EPHA3: variants seen among roughly 807,000 people sequenced by gnomAD.
The protein encoded by EPHA3 is ephrin type-A receptor 3.
EPHA3 carries 42 observed loss-of-function variants against 107.1 expected under a neutral mutation model. The observed-to-expected ratio is 0.39, with a 90% confidence interval of 0.31 to 0.51. The LOEUF (loss-of-function observed/expected upper bound fraction) is 0.51. Ranked by LOEUF, EPHA3 falls within the 20% of genes least tolerant of loss-of-function variation. EPHA3 has a pLI of 0.78. For missense variants in EPHA3, 1,183 were observed against 1,211.2 expected, an observed-to-expected ratio of 0.98 and a Z score of 0.35; for synonymous variants, 461 against 424.8, an observed-to-expected ratio of 1.09 and a Z score of -1.05.
intron 13 of EPHA3, among the ~76,000 whole-genome samples, chr3:89,437,661 A>G (rs1323045947): frequency 6.6e-6 from 1 of 152,300 alleles, no homozygotes; most frequent in South Asian, 2.1e-4. Context: ...TCATGCATCT[A>G]TATAGATGAA....
At chr3:89,466,866 T>G (rs1710287858) in intron 15 of EPHA3, among the ~76,000 whole-genome samples, 1 of 150,550 alleles carries the variant, frequency 6.6e-6, no homozygotes, top group South Asian at 2.1e-4. Context: ...CCTGTCTCTC[T>G]TTTTTAATCT....
chr3:89,451,244 T>G (rs1709983963), intron 15 of EPHA3, among the ~76,000 whole-genome samples: 1 of 152,122 alleles, frequency 6.6e-6, no homozygotes, highest in Non-Finnish European at 1.5e-5. Flanking sequence ...TAAGAATCAC[T>G]GAGTTCTCTC....
intron 3 of EPHA3, among the ~76,000 whole-genome samples, chr3:89,274,952 G>C (rs1436385929): frequency 1.3e-5 from 2 of 151,936 alleles, no homozygotes; most frequent in Non-Finnish European, 2.9e-5. Flanking sequence ...GATATGTCAG[G>C]CATGTCATTT....
intron 15 of EPHA3, among the ~76,000 whole-genome samples, chr3:89,457,251 A>C (rs1360926374): frequency 6.6e-6 from 1 of 152,208 alleles, no homozygotes; most frequent in Admixed American, 6.5e-5. Flanking sequence ...GGATAAAAAA[A>C]GGAAATTATG....
rs1710428011 is a variant in EPHA3, at chr3:89,472,552, C to T, written c.2779C>T (p.His927Tyr). The T allele has an allele frequency of 1.9e-6, 3 of 1,613,964 alleles. No individual in the cohort carries two copies. Among genetic ancestry groups the T allele is most frequent in the Admixed American group, 1.7e-5 (1 of 59,986 alleles). The change falls in exon 16 of 17, where the codon CAC (histidine) becomes TAC (tyrosine). Residue 927 changes from histidine (H) to tyrosine (Y), a missense_variant. Coordinates refer to ENST00000336596, the MANE Select transcript of EPHA3 (RefSeq NM_005233.6). ...CTGGCTTAATGGTGTCTGGACAGCA[C>T]ACTGCAAGGAAATCTTCACGGGTGT... ...GDWLNGVWTA[H>Y]CKEIFTGVEY...
chr3:89,343,880 A>C (rs1035487882), intron 5 of EPHA3, among the ~76,000 whole-genome samples: 1 of 152,198 alleles, frequency 6.6e-6, no homozygotes, highest in Non-Finnish European at 1.5e-5. Context: ...AATGGTATTT[A>C]TACTTTGTAA....
intron 2 of EPHA3, among the ~76,000 whole-genome samples, chr3:89,140,494 T>C (rs1360227823): frequency 1.3e-5 from 2 of 151,770 alleles, no homozygotes; most frequent in African/African-American, 4.8e-5. Flanking sequence ...TTGGATAATA[T>C]AAATTAGAGT....
At chr3:89,330,419 T>G (rs1216174939) in intron 3 of EPHA3, among the ~76,000 whole-genome samples, 1 of 152,080 alleles carries the variant, frequency 6.6e-6, no homozygotes, top group Non-Finnish European at 1.5e-5. Context: ...CATAGGTTTT[T>G]TTTAAATCCA....
rs1311971879 is a variant in EPHA3 at position 89,258,612 on chromosome 3, A to T, written c.814+48092A>T. Among the ~76,000 whole-genome samples, 3 of 152,218 alleles carry T rather than the reference A, an allele frequency of 2.0e-5. No homozygotes were observed. The South Asian group carries it at 6.2e-4, about 31-fold the overall frequency. On this transcript the variant is annotated intron_variant, in intron 3 of 16. Coordinates refer to ENST00000336596, the MANE Select transcript of EPHA3 (RefSeq NM_005233.6). Reference sequence around the variant, plus strand: ...AGTGCCAGTATTTGAAAATACAGACATAAAGAAATACAGCGGTTCATTTTA... The same window carrying T: ...AGTGCCAGTATTTGAAAATACAGACTTAAAGAAATACAGCGGTTCATTTTA...
chr3:89,392,785 G>A lies in EPHA3; in HGVS notation c.1307-3052G>A, dbSNP rs530523496. Reference sequence around the variant, plus strand: ...TAGTAATTTGAACAAATCACTCTTTGATATCTGAAAATTAATGAAAAGCAT... The same window carrying A: ...TAGTAATTTGAACAAATCACTCTTTAATATCTGAAAATTAATGAAAAGCAT... On this transcript the variant is annotated intron_variant, in intron 5 of 16. Transcript: ENST00000336596. 8.2e-4 allele frequency among the ~76,000 whole-genome samples: 124 copies of A among 152,042 alleles called. 1 individual carries two copies. The highest frequency in any genetic ancestry group is 2.9e-3 in the African/African-American group (120 of 41,472).
At chr3:89,111,664 G>T (rs1185431464) in intron 1 of EPHA3, among the ~76,000 whole-genome samples, 1 of 152,004 alleles carries the variant, frequency 6.6e-6, no homozygotes, top group African/African-American at 2.4e-5. Flanking sequence ...CTGACAATCT[G>T]AATTGCTACG....
At chr3:89,279,302 A>G (rs1705886029) in intron 3 of EPHA3, among the ~76,000 whole-genome samples, 1 of 151,986 alleles carries the variant, frequency 6.6e-6, no homozygotes, top group Non-Finnish European at 1.5e-5. Flanking sequence ...GAATTGACAC[A>G]CTCTGTTTAC....
intron 5 of EPHA3, among the ~76,000 whole-genome samples, chr3:89,370,563 C>G (rs909766220): frequency 6.6e-6 from 1 of 151,484 alleles, no homozygotes; most frequent in African/African-American, 2.4e-5. Context: ...TGCTAAATGA[C>G]GAGTTGATTG....
chr3:89,302,394 A>G (rs990587701), intron 3 of EPHA3, among the ~76,000 whole-genome samples: 4 of 152,126 alleles, frequency 2.6e-5, no homozygotes, highest in African/African-American at 9.7e-5. Flanking sequence ...TAAAAGACCA[A>G]AAGGTGTTCT....
At chr3:89,307,933 A>G (rs1706665761) in intron 3 of EPHA3, among the ~76,000 whole-genome samples, 1 of 152,186 alleles carries the variant, frequency 6.6e-6, no homozygotes, top group Admixed American at 6.5e-5. Flanking sequence ...TAACCATATA[A>G]GTGGAATAAA....
intron 15 of EPHA3, among the ~76,000 whole-genome samples, chr3:89,453,738 C>T (rs1210798519): frequency 6.6e-6 from 1 of 152,110 alleles, no homozygotes; most frequent in East Asian, 1.9e-4. Flanking sequence ...CTTTTCATAA[C>T]TGATTAAAAT....
chr3:89,259,635 G>T (rs1017809198), intron 3 of EPHA3, among the ~76,000 whole-genome samples: 1 of 152,130 alleles, frequency 6.6e-6, no homozygotes, highest in Non-Finnish European at 1.5e-5. Flanking sequence ...TTGCTCTACT[G>T]AAGCAGATTA....
Position 89,219,688 on chromosome 3 carries a change from G to GTGTTT in EPHA3, c.814+9169_814+9170insGTTTT. Among the ~76,000 whole-genome samples the GTGTTT allele has an allele frequency of 9.4e-3, 325 of 34,436 alleles. 81 individuals are homozygous for GTGTTT. The highest frequency in any genetic ancestry group is 0.014 in the Non-Finnish European group (260 of 19,120). 22.6% of individuals were successfully genotyped at this position (34,436 alleles called of 152,430 possible). A position where few individuals can be genotyped will look rare whatever the true frequency, so the allele number is the denominator to read the frequency against. On this transcript the variant is annotated intron_variant, in intron 3 of 16. Transcript: ENST00000336596. ...TTACCTCCAAGAGGCATTTGGCAAT[G>GTGTTT]TTTTTTTTTTTTTTGTTTTTTGTTT...
At chr3:89,290,872 G>A (rs1391799730) in intron 3 of EPHA3, among the ~76,000 whole-genome samples, 1 of 152,094 alleles carries the variant, frequency 6.6e-6, no homozygotes, top group Non-Finnish European at 1.5e-5. Context: ...AAGCCAAGTT[G>A]TTAGATGTAA....
Sources: allele counts gnomAD v4.1 joint callset (sites outside exome capture counted in the v4.1 genomes callset), GRCh38; gene constraint gnomAD v4.1.1; transcripts MANE v1.5; gene names NCBI Gene and HGNC (gene_info 2026-07-23, HGNC 2026-07-21).